Variants in ERAP1 observed in about 807,000 individuals in gnomAD.
The protein encoded by ERAP1 is adipocyte-derived leucine aminopeptidase.
In ERAP1, 86 loss-of-function variants were observed where a neutral mutation model predicts 103.7. That is an observed-to-expected ratio of 0.83 (90% CI 0.70 to 0.99). The LOEUF is 0.99. ERAP1 is among the 50% of genes least tolerant of loss of function. The pLI is 0.00. For missense variants in ERAP1, 1,009 were observed against 1,128.4 expected (o/e 0.89, Z 1.52); for synonymous variants, 398 against 402.4 (o/e 0.99, Z 0.13).
chr5:96,815,380 G>A, the ERAP1 span, among the ~76,000 whole-genome samples: 29 of 141,786 alleles, frequency 2.0e-4, no homozygotes, highest in Admixed American at 2.0e-3. Context: ...CTATTAAGGT[G>A]TTGTTGTTGT....
chr5:96,892,192 G>C, the ERAP1 span: 3 of 1,141,470 alleles, frequency 2.6e-6, no homozygotes, highest in East Asian at 7.2e-5. Context: ...TTTTCAAAAA[G>C]TCTGCTTAAA....
chr5:96,889,048 A>T, the ERAP1 span: 2 of 1,035,002 alleles, frequency 1.9e-6, no homozygotes, highest in Admixed American at 2.7e-5. Flanking sequence ...TCTTATCCTT[A>T]TTGACAACAT....
the ERAP1 span, among the ~76,000 whole-genome samples, chr5:96,891,510 T>A: frequency 3.2e-5 from 1 of 31,302 alleles, no homozygotes; most frequent in Non-Finnish European, 6.6e-5. Context: ...TATATATATA[T>A]ATATATGCCC....
At chr5:96,828,491 A>T in the ERAP1 span, among the ~76,000 whole-genome samples, 2 of 152,230 alleles carry the variant, frequency 1.3e-5, no homozygotes, top group Non-Finnish European at 2.9e-5. Context: ...AATAAGTGAG[A>T]ACTGATTACA....
At chr5:96,818,893 C>CATTTATGTATTTATTTATTTATTT in the ERAP1 span, among the ~76,000 whole-genome samples, 1 of 141,762 alleles carries the variant, frequency 7.1e-6, no homozygotes, top group Non-Finnish European at 1.5e-5. Flanking sequence ...ACCTGAACTG[C>CATTTATGTATTTATTTATTTATTT]ATTTATTTAT....
Position 96,776,112 on chromosome 5 carries a change from AAACTAT to A in ERAP1, c.*278_*283del, listed in dbSNP as rs1380445938. 7.3e-6 allele frequency: 10 copies of A among 1,369,172 alleles called. No individual in the cohort carries two copies. 84.8% of individuals were successfully genotyped at this position (1,369,172 alleles called of 1,614,324 possible). On this transcript the variant is annotated 3_prime_UTR_variant, in exon 19 of 19. Transcript: ENST00000443439. ...GTTTTGGACACGGGTGCTTAAGCATAAACTATAAAATGAGAAGAATAAGGTACTTTA... is the reference window on the plus strand; with the variant it reads ...GTTTTGGACACGGGTGCTTAAGCATAAAAATGAGAAGAATAAGGTACTTTA...
the ERAP1 span, among the ~76,000 whole-genome samples, chr5:96,914,214 A>G: frequency 6.6e-6 from 1 of 151,994 alleles, no homozygotes; most frequent in Non-Finnish European, 1.5e-5. Context: ...ATCCAAATCT[A>G]AAATGTCATT....
At chr5:96,858,275 C>T in the ERAP1 span, among the ~76,000 whole-genome samples, 3 of 147,586 alleles carry the variant, frequency 2.0e-5, no homozygotes, top group East Asian at 2.0e-4. Flanking sequence ...AGTGCAGTGG[C>T]GCTATCTTGG....
chr5:96,900,333 G>A, the ERAP1 span: 18 of 1,300,058 alleles, frequency 1.4e-5, no homozygotes, highest in East Asian at 3.4e-4. Flanking sequence ...AAACAAAACT[G>A]AAGGGGAAAT....
Position 96,778,909 on chromosome 5 carries a change from A to G in ERAP1, c.2670+1514T>C, listed in dbSNP as rs1774749141. Reference sequence around the variant, plus strand: ...ATTCAGGATGACTCCCGTATTTTATATGTCCGTAGTTTGCTCTCCATTATG... The same window carrying G: ...ATTCAGGATGACTCCCGTATTTTATGTGTCCGTAGTTTGCTCTCCATTATG... On this transcript the variant is annotated intron_variant, in intron 18 of 18. Coordinates refer to ENST00000443439, the MANE Select transcript of ERAP1 (RefSeq NM_001040458.3). 2.0e-5 allele frequency among the ~76,000 whole-genome samples: 3 copies of G among 152,266 alleles called. No individual in the cohort carries two copies. In the South Asian group the frequency reaches 6.2e-4, roughly 32 times the overall value.
chr5:96,873,574 A>G, the ERAP1 span: 2 of 426,530 alleles, frequency 4.7e-6, no homozygotes, highest in Non-Finnish European at 9.5e-6. Context: ...CTCTAGGTCA[A>G]TGGAGAGGAA....
At chr5:96,766,684 T>G (rs1213029840) in intron 19 of ERAP1, among the ~76,000 whole-genome samples, 4 of 152,340 alleles carry the variant, frequency 2.6e-5, no homozygotes, top group Middle Eastern at 3.4e-3. Context: ...TCCCACATGA[T>G]AGAGGCCAGT....
At chr5:96,904,414 A>G in the ERAP1 span, among the ~76,000 whole-genome samples, 3 of 152,216 alleles carry the variant, frequency 2.0e-5, no homozygotes, top group Non-Finnish European at 2.9e-5. Flanking sequence ...TTTAGGTCAA[A>G]TTGAGTGAAA....
In ERAP1 at chr5:96,780,967, G is replaced by A. The variant is rs540411421; in HGVS notation, c.2588+91C>T. 24 of 1,456,122 alleles carry A rather than the reference G, an allele frequency of 1.6e-5. No individual in the cohort carries two copies. In the East Asian group the frequency reaches 3.0e-4, roughly 18 times the overall value. The allele number at this position is 1,456,122 out of a possible 1,614,324, so 90.2% of individuals were successfully genotyped here. ...TATCTTCAATCAAAAAGTACCTTTAGACTGTTACTGTTCTTTTACAAACAG... is the reference window on the plus strand; with the variant it reads ...TATCTTCAATCAAAAAGTACCTTTAAACTGTTACTGTTCTTTTACAAACAG... On this transcript the variant is annotated intron_variant, in intron 17 of 18. Coordinates refer to ENST00000443439, the MANE Select transcript of ERAP1 (RefSeq NM_001040458.3).
intron 19 of ERAP1, chr5:96,768,509 T>C: frequency 2.5e-6 from 1 of 404,878 alleles, no homozygotes; most frequent in Non-Finnish European, 4.8e-6. Flanking sequence ...TTCCTTTTTT[T>C]TCTATATGTA....
At chr5:96,830,272 G>C in the ERAP1 span, among the ~76,000 whole-genome samples, 2 of 152,092 alleles carry the variant, frequency 1.3e-5, no homozygotes, top group East Asian at 3.9e-4. Context: ...GATGCCTTTG[G>C]GTACTTGACA....
the ERAP1 span, among the ~76,000 whole-genome samples, chr5:96,858,604 T>G: frequency 6.6e-6 from 1 of 152,212 alleles, no homozygotes; most frequent in Non-Finnish European, 1.5e-5. Context: ...GAATACTGAA[T>G]GTGTCTAAGA....
the ERAP1 span, among the ~76,000 whole-genome samples, chr5:96,847,083 C>CAA: frequency 0.027 from 3,627 of 133,498 alleles, 76 homozygotes; most frequent in Non-Finnish European, 0.041. Flanking sequence ...TACTAAAATA[C>CAA]AAAAAAAAAA....
At chr5:96,920,197 C>T in the ERAP1 span, among the ~76,000 whole-genome samples, 5 of 151,668 alleles carry the variant, frequency 3.3e-5, no homozygotes, top group Admixed American at 6.6e-5. Flanking sequence ...CCCAGGTACA[C>T]GGGAGGCTGA....
Sources: allele counts gnomAD v4.1 joint callset (sites outside exome capture counted in the v4.1 genomes callset), GRCh38; gene constraint gnomAD v4.1.1; transcripts MANE v1.5; gene names NCBI Gene and HGNC (gene_info 2026-07-23, HGNC 2026-07-21).